Variants in DMD observed in about 807,000 individuals in gnomAD.
DMD encodes the protein mutant dystrophin.
Under a neutral mutation model 330.1 loss-of-function variants are expected in DMD, and 63 were observed. That is an observed-to-expected ratio of 0.19 (90% confidence interval 0.16 to 0.24). The LOEUF is 0.24. DMD is among the 10% of genes least tolerant of loss of function. The pLI, the probability that DMD is intolerant of heterozygous loss-of-function variation, is 1.00. For missense variants in DMD, 3,344 were observed against 2,684.1 expected (o/e 1.25, Z -5.43); for synonymous variants, 1,223 against 959.8 (o/e 1.27, Z -5.07).
At chrX:33,186,256 C>A (rs1302212879) in intron 1 of DMD, among the ~76,000 whole-genome samples, 2 of 111,972 alleles carry the variant, frequency 1.8e-5, no homozygotes, top group Non-Finnish European at 3.8e-5. Context: ...TGTAGGCTCT[C>A]CTTTCACTGC....
chrX:32,511,080 A>G (rs901616015), intron 18 of DMD, among the ~76,000 whole-genome samples: 1 of 109,485 alleles, frequency 9.1e-6, no homozygotes, highest in African/African-American at 3.3e-5. Context: ...CTCTTCAACC[A>G]CAGTCTTCAT....
intron 39 of DMD, among the ~76,000 whole-genome samples, chrX:32,344,849 T>C (rs1451374796): frequency 9.0e-6 from 1 of 111,543 alleles, no homozygotes. Flanking sequence ...GTGAGTTACA[T>C]AGCGTTCCGA....
At chrX:31,193,531 A>G (rs2042589470) in intron 67 of DMD, among the ~76,000 whole-genome samples, 1 of 112,206 alleles carries the variant, frequency 8.9e-6, no homozygotes, top group South Asian at 3.7e-4. Context: ...GCAACCACCA[A>G]TATTATAACT....
At chrX:32,735,853 T>A (rs1442277039) in intron 7 of DMD, among the ~76,000 whole-genome samples, 1 of 111,738 alleles carries the variant, frequency 8.9e-6, no homozygotes, top group Non-Finnish European at 1.9e-5. Context: ...GACATAGGCA[T>A]GGGCAAGGAC....
At chrX:32,685,759 G>A (rs531319792) in intron 9 of DMD, among the ~76,000 whole-genome samples, 1 of 111,465 alleles carries the variant, frequency 9.0e-6, no homozygotes, top group South Asian at 3.7e-4. Flanking sequence ...CTAGAAATGA[G>A]GAGTTTCATA....
rs190854556 is a variant in DMD at position 31,458,761 on chromosome X, T to C, written c.8938-14134A>G. ...AATAATCTTTTCACTAATAATTCAG[T>C]AATTTTAGATTCAAAGTGGGTCAGA... On this transcript the variant is annotated intron_variant, in intron 59 of 78. Coordinates refer to ENST00000357033, the MANE Select transcript of DMD (RefSeq NM_004006.3). Among the ~76,000 whole-genome samples, 55 of 110,392 alleles carry C rather than the reference T, an allele frequency of 5.0e-4. No individual in the cohort carries two copies. The East Asian group carries it at 0.011, about 23-fold the overall frequency.
chrX:32,648,737 G>A (rs1314632119), intron 9 of DMD, among the ~76,000 whole-genome samples: 2 of 111,885 alleles, frequency 1.8e-5, no homozygotes, highest in Admixed American at 1.9e-4. Context: ...ATAAAACGAT[G>A]TTTAATCTGA....
At chrX:32,297,924 C>G (rs1390612759) in intron 42 of DMD, among the ~76,000 whole-genome samples, 1 of 111,008 alleles carries the variant, frequency 9.0e-6, no homozygotes, top group Non-Finnish European at 1.9e-5. Context: ...GGCCCTGACA[C>G]TGGAATGTGC....
In DMD at chrX:32,844,024, A is replaced by T. The variant is rs2080406385; in HGVS notation, c.264+759T>A. Reference sequence around the variant, plus strand: ...GTTTAATAAGTGTTGGCTTGATTTAAACAAACATCATTATCAGGTTTGAAC... The same window carrying T: ...GTTTAATAAGTGTTGGCTTGATTTATACAAACATCATTATCAGGTTTGAAC... On this transcript the variant is annotated intron_variant, in intron 4 of 78. Transcript: ENST00000357033. Among the ~76,000 whole-genome samples, 3 of 112,672 alleles carry T rather than the reference A, an allele frequency of 2.7e-5. No individual in the cohort carries two copies. The Admixed American group carries it at 2.8e-4, about 11-fold the overall frequency.
chrX:31,898,792 A>G (rs1164212143), intron 47 of DMD, among the ~76,000 whole-genome samples: 1 of 112,307 alleles, frequency 8.9e-6, no homozygotes, highest in African/African-American at 3.2e-5. Flanking sequence ...AGGTTGTAAC[A>G]TGTAAAGTGA....
At position 32,411,913 on chromosome X, in the gene DMD, C is replaced by A; in HGVS notation, c.4072G>T (p.Ala1358Ser). ...TCAAGCAACTTTTGCCTCCTTACAG[C>A]CTAAAAAGAAGGAATAAGAGTGTAT... ...NSRWRELHEE[A>S]VRRQKLLEQS... The change falls in exon 30 of 79, where the codon GCT (alanine) becomes TCT (serine). Residue 1358 changes from alanine (A) to serine (S), a missense_variant and splice_region_variant. Physicochemically the swap from Ala to Ser is moderately conservative, Grantham distance 99. Coordinates refer to ENST00000357033, the MANE Select transcript of DMD (RefSeq NM_004006.3). The A allele has an allele frequency of 8.3e-7, 1 of 1,209,840 alleles. No homozygotes were observed. The highest frequency in any genetic ancestry group is 1.1e-6 in the Non-Finnish European group (1 of 894,477).
chrX:32,628,258 ATTTTTTTTTTT>A (rs1170760390), intron 11 of DMD, among the ~76,000 whole-genome samples: 8 of 15,349 alleles, frequency 5.2e-4, no homozygotes, highest in Admixed American at 3.0e-3. Context: ...AGTTGTTTTA[ATTTTTTTTTTT>A]TTTTTTTTTT....
Position 31,836,710 on chromosome X carries a change from T to A in DMD, c.7200+8A>T. On this transcript the variant is annotated splice_region_variant and intron_variant, in intron 49 of 78. Transcript: ENST00000357033. ...GGTAATGGATATTGCTAGAGGTTGC[T>A]TCATTACCTTCACTGGCTGAGTGGC... The A allele has an allele frequency of 8.3e-7, 1 of 1,201,029 alleles. No homozygotes were observed. Among genetic ancestry groups the A allele is most frequent in the Non-Finnish European group, 1.1e-6 (1 of 885,757 alleles).
rs543237687 is a variant in DMD, at chrX:32,718,454, G to A, written c.650-19161C>T. Among the ~76,000 whole-genome samples, 52 of 111,601 alleles carry A rather than the reference G, an allele frequency of 4.7e-4. No homozygotes were observed. The South Asian group carries it at 0.018, about 40-fold the overall frequency. Reference sequence around the variant, plus strand: ...CCCAGCCATGCTTCCCATACAGCCTGTGGAACTGCAAGTCAATTAAGCCTC... The same window carrying A: ...CCCAGCCATGCTTCCCATACAGCCTATGGAACTGCAAGTCAATTAAGCCTC... On this transcript the variant is annotated intron_variant, in intron 7 of 78. Transcript: ENST00000357033.
At chrX:32,372,261 G>C (rs936676935) in intron 34 of DMD, among the ~76,000 whole-genome samples, 1 of 111,972 alleles carries the variant, frequency 8.9e-6, no homozygotes, top group Middle Eastern at 4.6e-3. Flanking sequence ...TATTTCATGA[G>C]TATGTCCTAT....
chrX:31,266,951 C>G (rs2051204632), intron 62 of DMD: 2 of 1,105,071 alleles, frequency 1.8e-6, no homozygotes, highest in African/African-American at 3.8e-5. Context: ...GCTGAAAGCA[C>G]TGCGGAGGAG....
chrX:31,602,656 TATA>T (rs751661660), intron 55 of DMD, among the ~76,000 whole-genome samples: 1 of 111,620 alleles, frequency 9.0e-6, no homozygotes, highest in African/African-American at 3.3e-5. Flanking sequence ...TGGCTACTGC[TATA>T]ATAAGATGCT....
intron 2 of DMD, among the ~76,000 whole-genome samples, chrX:32,887,861 G>C (rs1408579195): frequency 9.9e-6 from 1 of 101,239 alleles, no homozygotes. Flanking sequence ...AATAAAAATA[G>C]ACAAATGAAG....
chrX:31,896,003 A>G (rs979494794), intron 47 of DMD, among the ~76,000 whole-genome samples: 2 of 112,012 alleles, frequency 1.8e-5, no homozygotes, highest in African/African-American at 6.5e-5. Context: ...ATTTCTTCCA[A>G]AAAGTAAGGA....
Sources: gnomAD v4.1 joint callset for allele counts (sites outside exome capture counted in the v4.1 genomes callset) on GRCh38, gnomAD v4.1.1 for gene constraint, MANE v1.5 for transcripts, NCBI Gene and HGNC (gene_info 2026-07-23, HGNC 2026-07-21) for gene names.